Variants in MAST4 observed in about 807,000 individuals in gnomAD.
The protein encoded by MAST4 is microtubule associated serine/threonine kinase family member 4.
MAST4 carries 89 observed loss-of-function variants against 162.7 expected under a neutral mutation model. That is an observed-to-expected ratio of 0.55 (90% CI 0.46 to 0.65). The LOEUF (loss-of-function observed/expected upper bound fraction) is 0.65, where lower values mean the gene tolerates loss of function less well. MAST4 is among the 30% of genes least tolerant of loss of function. MAST4 has a pLI of 0.00. For missense variants in MAST4, 3,153 were observed against 3,374.0 expected, an observed-to-expected ratio of 0.93 and a Z score of 1.62; for synonymous variants, 1,479 against 1,361.1, an observed-to-expected ratio of 1.09 and a Z score of -1.91.
At chr5:66,943,000 G>T (rs542699646) in intron 4 of MAST4, among the ~76,000 whole-genome samples, 1 of 151,958 alleles carries the variant, frequency 6.6e-6, no homozygotes, top group East Asian at 1.9e-4. Flanking sequence ...GGTAGAAAGG[G>T]GTGTGGCAGC....
At chr5:66,725,499 A>C (rs1355063319) in intron 1 of MAST4, among the ~76,000 whole-genome samples, 1 of 152,188 alleles carries the variant, frequency 6.6e-6, no homozygotes, top group Non-Finnish European at 1.5e-5. Flanking sequence ...AAATGTGGAT[A>C]CTAAAAGCCC....
intron 1 of MAST4, among the ~76,000 whole-genome samples, chr5:66,743,922 G>A (rs752385373): frequency 6.6e-6 from 1 of 152,190 alleles, no homozygotes. Flanking sequence ...ACAGCTTCGA[G>A]TGGAAGGGGG....
intron 12 of MAST4, among the ~76,000 whole-genome samples, chr5:67,117,049 ATAATAG>A: frequency 6.6e-6 from 1 of 152,318 alleles, no homozygotes; most frequent in African/African-American, 2.4e-5. Context: ...AAATGAGATA[ATAATAG>A]TATCTATTTA....
At chr5:67,067,988 A>T (rs1041521627) in intron 5 of MAST4, among the ~76,000 whole-genome samples, 1 of 152,176 alleles carries the variant, frequency 6.6e-6, no homozygotes, top group African/African-American at 2.4e-5. Flanking sequence ...CAGTGCACCT[A>T]GTGTCCAGGA....
chr5:66,859,082 C>G (rs150611350), intron 3 of MAST4, among the ~76,000 whole-genome samples: 2 of 152,186 alleles, frequency 1.3e-5, no homozygotes, highest in African/African-American at 4.8e-5. Context: ...TTAGTAGAGA[C>G]ATTCTATCAA....
At chr5:67,020,424 G>A (rs1753828401) in intron 4 of MAST4, among the ~76,000 whole-genome samples, 3 of 152,130 alleles carry the variant, frequency 2.0e-5, no homozygotes, top group South Asian at 4.1e-4. Flanking sequence ...TTCCCCTTTG[G>A]TATGAAGGAA....
Position 66,788,748 on chromosome 5 carries a change from G to T in MAST4, c.596G>T (p.Arg199Leu). 1 of 1,611,990 alleles carries T rather than the reference G, an allele frequency of 6.2e-7. No individual in the cohort carries two copies. Among genetic ancestry groups the T allele is most frequent in the Non-Finnish European group, 8.5e-7 (1 of 1,178,904 alleles). Residue 199 changes from arginine to leucine, a missense_variant, in exon 3 of 29, where the codon CGC becomes CTC. Around this residue, in one of 7 missense-constraint regions of MAST4, gnomAD observed 327 missense variants for 336.5 expected, o/e 0.97. Coordinates refer to ENST00000403625, the MANE Select transcript of MAST4 (RefSeq NM_001164664.2). ...GAGACGTCCAACCTCGTGCGCATGC[G>T]CAGCCAGGCCCTGGGCCAGTCGGCG... ...SAETSNLVRM[R>L]SQALGQSAPS...
At chr5:67,148,506 C>T (rs1304295311) in intron 23 of MAST4, among the ~76,000 whole-genome samples, 6 of 152,168 alleles carry the variant, frequency 3.9e-5, no homozygotes, top group Non-Finnish European at 8.8e-5. Context: ...TCCATTTCTG[C>T]ACCCCCCTCC....
chr5:66,613,781 A>G lies in MAST4; in HGVS notation c.363+16763A>G, dbSNP rs1003677124. On this transcript the variant is annotated intron_variant, in intron 1 of 28. Transcript: ENST00000403625. ...TCTTGGTGTTTGCAGGTGGAGAGGG[A>G]AGTTAAGCTACTGAGGAAAAACCTA... Among the ~76,000 whole-genome samples, 4 of 152,188 alleles carry G rather than the reference A, an allele frequency of 2.6e-5. No homozygotes were observed. In the East Asian group the frequency reaches 7.7e-4, roughly 29 times the overall value.
intron 1 of MAST4, among the ~76,000 whole-genome samples, chr5:66,695,365 T>C (rs1276347340): frequency 6.6e-6 from 1 of 152,216 alleles, no homozygotes; most frequent in Non-Finnish European, 1.5e-5. Context: ...TTCTGTTCCA[T>C]TGGTCTATGT....
At chr5:66,949,421 A>G (rs565468698) in intron 4 of MAST4, among the ~76,000 whole-genome samples, 2 of 152,224 alleles carry the variant, frequency 1.3e-5, no homozygotes, top group South Asian at 4.1e-4. Flanking sequence ...TGGTTTTATT[A>G]TATAAGGGGC....
intron 4 of MAST4, among the ~76,000 whole-genome samples, chr5:66,934,641 G>T (rs1464854158): frequency 2.6e-5 from 4 of 151,888 alleles, no homozygotes; most frequent in Non-Finnish European, 5.9e-5. Context: ...AGTAAGAATT[G>T]GTGCAGATTA....
intron 8 of MAST4, 135 bp downstream of exon 8, chr5:67,100,727 C>T (rs182315674): frequency 9.4e-7 from 1 of 1,059,248 alleles, no homozygotes; most frequent in Admixed American, 2.5e-5. Flanking sequence ...TGTGATGTTT[C>T]CATGTACACA....
intron 4 of MAST4, among the ~76,000 whole-genome samples, chr5:67,004,264 G>T (rs1581167734): frequency 6.6e-6 from 1 of 152,010 alleles, no homozygotes; most frequent in East Asian, 1.9e-4. Flanking sequence ...CGGGGCTGGT[G>T]GGGGGTGGGG....
At chr5:67,017,496 A>G (rs909889642) in intron 4 of MAST4, among the ~76,000 whole-genome samples, 13 of 152,202 alleles carry the variant, frequency 8.5e-5, no homozygotes, top group East Asian at 3.8e-4. Context: ...CAATTTACAC[A>G]TGGTAAAATC....
At chr5:66,898,678 T>C (rs926520560) in intron 3 of MAST4, among the ~76,000 whole-genome samples, 1 of 152,224 alleles carries the variant, frequency 6.6e-6, no homozygotes, top group Non-Finnish European at 1.5e-5. Flanking sequence ...GGTTTTGCTA[T>C]TGGGTGAAAG....
intron 4 of MAST4, among the ~76,000 whole-genome samples, chr5:67,045,806 A>G (rs1402987825): frequency 6.6e-6 from 1 of 152,224 alleles, no homozygotes; most frequent in African/African-American, 2.4e-5. Flanking sequence ...AATTTATGTT[A>G]AAATAACACA....
At chr5:66,653,176 A>G (rs1010914708) in intron 1 of MAST4, among the ~76,000 whole-genome samples, 13 of 152,230 alleles carry the variant, frequency 8.5e-5, no homozygotes, top group African/African-American at 3.1e-4. Context: ...CTCATCTACC[A>G]GGGAATGGTA....
At position 66,872,983 on chromosome 5, in the gene MAST4, A is replaced by C. The variant is rs188533232; in HGVS notation, c.643-26968A>C. Among the ~76,000 whole-genome samples the C allele has an allele frequency of 2.2e-4, 33 of 152,286 alleles. No homozygotes were observed. The East Asian group carries it at 6.2e-3, about 28-fold the overall frequency. On this transcript the variant is annotated intron_variant, in intron 3 of 28. Transcript: ENST00000403625. ...CACCATGCAGTGTGTTCTATAGTACACTATAAATTAGCTAACTTTCTTCTA... is the reference window on the plus strand; with the variant it reads ...CACCATGCAGTGTGTTCTATAGTACCCTATAAATTAGCTAACTTTCTTCTA...
Sources: allele counts gnomAD v4.1 joint callset (sites outside exome capture counted in the v4.1 genomes callset), GRCh38; gene constraint gnomAD v4.1.1; regional missense constraint gnomAD v4.1.1; transcripts MANE v1.5; gene names NCBI Gene and HGNC (gene_info 2026-07-23, HGNC 2026-07-21).